Variants in ROBO2 observed in about 807,000 individuals in gnomAD.
ROBO2 encodes the protein roundabout guidance receptor 2.
In ROBO2, 53 loss-of-function variants were observed where a neutral mutation model predicts 160.8. The ratio of observed to expected loss-of-function variants is 0.33; its 90% CI spans 0.26 to 0.41. The LOEUF is 0.41. Ranked by LOEUF, ROBO2 falls within the 10% of genes least tolerant of loss-of-function variation. ROBO2 has a pLI of 1.00. For synonymous variants in ROBO2, 664 were observed against 611.7 expected, an observed-to-expected ratio of 1.09 and a Z score of -1.26; for missense variants, 1,577 against 1,722.4, an observed-to-expected ratio of 0.92 and a Z score of 1.49.
chr3:77,115,934 C>G (rs1289145251), intron 2 of ROBO2, among the ~76,000 whole-genome samples: 1 of 152,128 alleles, frequency 6.6e-6, no homozygotes, highest in Non-Finnish European at 1.5e-5. Context: ...ACCCTGACCC[C>G]TTCGTGGCCC....
chr3:76,060,108 GTT>G lies in ROBO2; in HGVS notation c.109+122516_109+122517del, dbSNP rs11347851. On this transcript the variant is annotated intron_variant, in intron 2 of 26. Transcript: ENST00000487694. The stretch of plus-strand genomic sequence containing the variant: ...TTTCCAACAGAATCAGCTAGAAAAT[GTT>G]TTTTTTTTTAAAGACAATGTGATTT... 3.4e-4 allele frequency among the ~76,000 whole-genome samples: 49 copies of G among 144,180 alleles called. No individual in the cohort carries two copies. The East Asian group carries it at 6.0e-3, about 18-fold the overall frequency. 94.6% of individuals were successfully genotyped at this position (144,180 alleles called of 152,430 possible). A position where few individuals can be genotyped will look rare whatever the true frequency, so the allele number is the denominator to read the frequency against.
intron 16 of ROBO2, among the ~76,000 whole-genome samples, chr3:77,582,036 T>G (rs2093931902): frequency 6.6e-6 from 1 of 152,258 alleles, no homozygotes; most frequent in African/African-American, 2.4e-5. Flanking sequence ...ATTTACTTTG[T>G]CTGATATTAG....
intron 2 of ROBO2, among the ~76,000 whole-genome samples, chr3:76,997,218 A>ACTT (rs2061067086): frequency 6.6e-6 from 1 of 152,158 alleles, no homozygotes; most frequent in Admixed American, 6.5e-5. Flanking sequence ...TATATTGCTC[A>ACTT]CTTTAATCAA....
chr3:76,736,506 A>T (rs2093716033), intron 2 of ROBO2, among the ~76,000 whole-genome samples: 1 of 152,200 alleles, frequency 6.6e-6, no homozygotes, highest in Non-Finnish European at 1.5e-5. Flanking sequence ...AAAACTGATT[A>T]TCCAACAATC....
At position 77,016,063 on chromosome 3, in the gene ROBO2, G is replaced by A. The variant is rs907597502; in HGVS notation, c.110-81951G>A. On this transcript the variant is annotated intron_variant, in intron 2 of 26. Transcript: ENST00000487694. Reference sequence around the variant, plus strand: ...GCAATCTCAGCTCACTGCAAGCTCCGCCTCCCGGGTTCACGCCATTCTCCT... The same window carrying A: ...GCAATCTCAGCTCACTGCAAGCTCCACCTCCCGGGTTCACGCCATTCTCCT... Among the ~76,000 whole-genome samples the A allele has an allele frequency of 5.3e-5, 8 of 151,954 alleles. No homozygotes were observed. In the Middle Eastern group the frequency reaches 0.01, roughly 194 times the overall value.
intron 2 of ROBO2, among the ~76,000 whole-genome samples, chr3:76,975,033 C>G (rs536382696): frequency 6.6e-6 from 1 of 152,062 alleles, no homozygotes; most frequent in Non-Finnish European, 1.5e-5. Flanking sequence ...TGCAGACATG[C>G]TTTAATATGA....
At chr3:76,853,518 A>G (rs944492973) in intron 2 of ROBO2, among the ~76,000 whole-genome samples, 3 of 152,242 alleles carry the variant, frequency 2.0e-5, no homozygotes, top group East Asian at 3.9e-4. Context: ...AGTCAATGTG[A>G]TAAGTAAGTT....
intron 2 of ROBO2, among the ~76,000 whole-genome samples, chr3:76,386,807 C>A (rs1269875498): frequency 6.6e-6 from 1 of 152,098 alleles, no homozygotes; most frequent in African/African-American, 2.4e-5. Context: ...AACTGTGGGA[C>A]ATACATATGC....
intron 2 of ROBO2, among the ~76,000 whole-genome samples, chr3:76,336,220 C>T (rs577481148): frequency 3.5e-5 from 4 of 114,538 alleles, no homozygotes; most frequent in African/African-American, 8.0e-5. Flanking sequence ...ACTGTATGTA[C>T]GTAGCAAGAA....
intron 14 of ROBO2, among the ~76,000 whole-genome samples, chr3:77,576,487 T>C (rs556680477): frequency 7.0e-4 from 107 of 152,266 alleles, no homozygotes; most frequent in African/African-American, 2.5e-3. Flanking sequence ...TGTTATGTAA[T>C]ACTATGATTT....
chr3:76,181,235 C>T (rs572685735), intron 2 of ROBO2, among the ~76,000 whole-genome samples: 3 of 151,798 alleles, frequency 2.0e-5, no homozygotes, highest in South Asian at 4.1e-4. Flanking sequence ...AATTCCACAA[C>T]AAAAAGTCAA....
At chr3:76,776,189 C>G (rs2062241025) in intron 2 of ROBO2, among the ~76,000 whole-genome samples, 1 of 150,862 alleles carries the variant, frequency 6.6e-6, no homozygotes, top group African/African-American at 2.4e-5. Flanking sequence ...CACACACAGT[C>G]AACATTTTGA....
At chr3:77,477,055 A>T (rs1054278779) in intron 2 of ROBO2, among the ~76,000 whole-genome samples, 3 of 152,166 alleles carry the variant, frequency 2.0e-5, no homozygotes, top group Non-Finnish European at 1.5e-5. Context: ...GTGCACACAC[A>T]CACACACATA....
At position 76,815,428 on chromosome 3, in the gene ROBO2, C is replaced by T. The variant is rs928839724; in HGVS notation, c.110-282586C>T. On this transcript the variant is annotated intron_variant, in intron 2 of 26. Coordinates refer to the ROBO2 transcript ENST00000487694. ...CCTGCTCCCAGTCAACAGCAAGAAA[C>T]ACTGTCCAGAAAAATTGAAAAAAAA... 1.1e-4 allele frequency among the ~76,000 whole-genome samples: 17 copies of T among 150,532 alleles called. 1 individual carries two copies. The highest frequency in any genetic ancestry group is 3.2e-3 in the Middle Eastern group (1 of 312).
chr3:77,591,657 A>C (rs1319250547), intron 17 of ROBO2, among the ~76,000 whole-genome samples: 1 of 152,172 alleles, frequency 6.6e-6, no homozygotes, highest in African/African-American at 2.4e-5. Context: ...AACTCCTTGA[A>C]AGTTCTTAAT....
rs567663694 is a variant in ROBO2 at position 77,461,186 on chromosome 3, AAT to A, written c.389-16224_389-16223del. ...TGCTTAATATTTGAGATCTATTGAA[AAT>A]ATAGAGTGAACTTTTTATTATGCAA... On this transcript the variant is annotated intron_variant, in intron 2 of 25. Coordinates refer to ENST00000461745, the Ensembl canonical transcript of ROBO2. 1.9e-3 allele frequency among the ~76,000 whole-genome samples: 296 copies of A among 152,286 alleles called. 1 individual carries two copies. The highest frequency in any genetic ancestry group is 6.9e-3 in the African/African-American group (286 of 41,566).
chr3:77,116,629 C>T (rs1412375311), intron 2 of ROBO2, among the ~76,000 whole-genome samples: 2 of 152,150 alleles, frequency 1.3e-5, no homozygotes, highest in Non-Finnish European at 2.9e-5. Context: ...TTCGTCTAAA[C>T]ATTGCTTTTC....
intron 2 of ROBO2, among the ~76,000 whole-genome samples, chr3:76,076,657 T>A (rs916254704): frequency 6.6e-6 from 1 of 152,202 alleles, no homozygotes; most frequent in African/African-American, 2.4e-5. Flanking sequence ...CAGTAATGTA[T>A]TTTTCATTAA....
intron 2 of ROBO2, among the ~76,000 whole-genome samples, chr3:77,410,371 T>G (rs2076604587): frequency 6.6e-6 from 1 of 152,142 alleles, no homozygotes; most frequent in East Asian, 1.9e-4. Flanking sequence ...TATAGCTAAT[T>G]TTCTTCGCCT....
Sources: allele counts gnomAD v4.1 joint callset (sites outside exome capture counted in the v4.1 genomes callset), GRCh38; gene constraint gnomAD v4.1.1; transcripts MANE v1.5; gene names NCBI Gene and HGNC (gene_info 2026-07-23, HGNC 2026-07-21).